STIM1: variants seen among roughly 807,000 people sequenced by gnomAD.
STIM1 encodes the protein stromal interaction molecule 1.
Under a neutral mutation model 74.7 loss-of-function variants are expected in STIM1, and 25 were observed. The observed-to-expected ratio is 0.33, with a 90% CI of 0.24 to 0.47. STIM1 has a LOEUF of 0.47. Ranked by LOEUF, STIM1 falls within the 20% of genes least tolerant of loss-of-function variation. STIM1 has a pLI of 1.00. For missense variants in STIM1, 728 were observed against 920.8 expected (o/e 0.79, Z 2.71); for synonymous variants, 328 against 348.8 (o/e 0.94, Z 0.66).
intron 2 of STIM1, among the ~76,000 whole-genome samples, chr11:3,980,068 G>T (rs2093487124): frequency 6.6e-6 from 1 of 152,042 alleles, no homozygotes; most frequent in Non-Finnish European, 1.5e-5. Flanking sequence ...GCCTTGCTTT[G>T]TGCCCTAATG....
In STIM1 at chr11:3,919,126, A is replaced by C. The variant is rs2092686744; in HGVS notation, c.140-48426A>C. 2.0e-5 allele frequency among the ~76,000 whole-genome samples: 3 copies of C among 152,202 alleles called. No individual in the cohort carries two copies. The South Asian group carries it at 6.2e-4, about 31-fold the overall frequency. On this transcript the variant is annotated intron_variant, in intron 1 of 12. Transcript: ENST00000526596. ...ATAATAGAGATTGTATTTTCCTTCT[A>C]ATCAGGGAGAGGGAGGTAAGTAGCA...
chr11:4,000,870 C>T (rs1460047151), intron 2 of STIM1, among the ~76,000 whole-genome samples: 1 of 151,996 alleles, frequency 6.6e-6, no homozygotes, highest in East Asian at 1.9e-4. Context: ...ACTAGAATAA[C>T]CAATACAGAG....
At chr11:3,863,033 C>T (rs143366918) in intron 1 of STIM1, among the ~76,000 whole-genome samples, 2,140 of 151,924 alleles carry the variant, frequency 0.014, 53 homozygotes, top group African/African-American at 0.048. Context: ...GCTGGGATTA[C>T]AGGTGCCCGC....
At chr11:3,887,783 A>G (rs1267312898) in intron 1 of STIM1, among the ~76,000 whole-genome samples, 1 of 152,034 alleles carries the variant, frequency 6.6e-6, no homozygotes. Flanking sequence ...CCTGGCTAAC[A>G]TGGTGAAACC....
At chr11:4,031,481 G>A (rs1029293364) in intron 3 of STIM1, among the ~76,000 whole-genome samples, 1 of 152,172 alleles carries the variant, frequency 6.6e-6, no homozygotes, top group African/African-American at 2.4e-5. Context: ...TTCTAAAATA[G>A]TTGTATTTTT....
At chr11:4,001,999 C>T (rs1421389080) in intron 2 of STIM1, among the ~76,000 whole-genome samples, 3 of 139,038 alleles carry the variant, frequency 2.2e-5, no homozygotes, top group Non-Finnish European at 3.1e-5. Context: ...AAGGCCATTA[C>T]ATGATGGTAA....
chr11:4,076,885 G>T (rs1462537286), intron 7 of STIM1, among the ~76,000 whole-genome samples: 1 of 151,650 alleles, frequency 6.6e-6, no homozygotes, highest in African/African-American at 2.4e-5. Context: ...ACTAAGATCA[G>T]AGAACATATG....
chr11:3,997,354 A>G (rs2093672009), intron 2 of STIM1, among the ~76,000 whole-genome samples: 1 of 152,234 alleles, frequency 6.6e-6, no homozygotes, highest in African/African-American at 2.4e-5. Flanking sequence ...TAAGGACACT[A>G]TAATTTATTA....
chr11:3,868,785 T>G (rs1590508314), intron 1 of STIM1, among the ~76,000 whole-genome samples: 1 of 152,336 alleles, frequency 6.6e-6, no homozygotes, highest in Middle Eastern at 3.4e-3. Context: ...ATTTAAGCCT[T>G]GGGGTAGGGG....
chr11:3,966,394 T>C (rs934483305), intron 1 of STIM1, among the ~76,000 whole-genome samples: 3 of 152,230 alleles, frequency 2.0e-5, no homozygotes, highest in Admixed American at 6.5e-5. Context: ...CTTATCACTG[T>C]CTTTGGCTGT....
At chr11:3,898,614 G>A (rs1045541837) in intron 1 of STIM1, among the ~76,000 whole-genome samples, 2 of 150,028 alleles carry the variant, frequency 1.3e-5, no homozygotes, top group African/African-American at 4.9e-5. Context: ...GAATGGTAAT[G>A]CCTAGGTTTT....
At chr11:3,916,762 A>G (rs2092649978) in intron 1 of STIM1, among the ~76,000 whole-genome samples, 1 of 151,056 alleles carries the variant, frequency 6.6e-6, no homozygotes, top group Admixed American at 6.6e-5. Flanking sequence ...ATTTTTTTGT[A>G]TTTTTAGTAG....
intron 2 of STIM1, among the ~76,000 whole-genome samples, chr11:4,021,204 C>T (rs1220398083): frequency 1.3e-5 from 2 of 152,140 alleles, no homozygotes; most frequent in Non-Finnish European, 2.9e-5. Flanking sequence ...TAGCTCACTG[C>T]AGCCTCCACT....
chr11:4,003,816 C>T (rs2135924231), intron 2 of STIM1, among the ~76,000 whole-genome samples: 1 of 152,302 alleles, frequency 6.6e-6, no homozygotes, highest in Non-Finnish European at 1.5e-5. Flanking sequence ...TTGCAGATGA[C>T]ATGATTGTAT....
At chr11:3,989,982 C>A (rs1480013315) in intron 2 of STIM1, among the ~76,000 whole-genome samples, 1 of 152,186 alleles carries the variant, frequency 6.6e-6, no homozygotes, top group East Asian at 1.9e-4. Context: ...GCAACCATCA[C>A]CTCAGTCAAT....
chr11:4,045,839 C>T (rs1046350570), intron 3 of STIM1, among the ~76,000 whole-genome samples: 3 of 143,220 alleles, frequency 2.1e-5, no homozygotes, highest in African/African-American at 7.7e-5. Context: ...GATCTCAGCT[C>T]ACTGCAGCCC....
At chr11:4,000,689 C>T (rs1271224427) in intron 2 of STIM1, among the ~76,000 whole-genome samples, 6 of 152,194 alleles carry the variant, frequency 3.9e-5, no homozygotes, top group Non-Finnish European at 7.3e-5. Flanking sequence ...CTCTCCTCCT[C>T]CAAAGGAACG....
chr11:4,054,015 A>G (rs1053844238), intron 3 of STIM1, among the ~76,000 whole-genome samples: 2 of 152,226 alleles, frequency 1.3e-5, no homozygotes, highest in Non-Finnish European at 2.9e-5. Context: ...ACATCTAGCT[A>G]TTGGGCACTT....
intron 2 of STIM1, chr11:3,989,578 T>TC: frequency 2.0e-6 from 1 of 489,014 alleles, no homozygotes; most frequent in Non-Finnish European, 3.8e-6. Context: ...GCTGCTGAGA[T>TC]CCCCAGAAGG....
Sources: gnomAD v4.1 joint callset for allele counts (sites outside exome capture counted in the v4.1 genomes callset) on GRCh38, gnomAD v4.1.1 for gene constraint, MANE v1.5 for transcripts, NCBI Gene and HGNC (gene_info 2026-07-23, HGNC 2026-07-21) for gene names.